The following CADPS2 variants were observed in gnomAD, a reference collection of about 807,000 sequenced individuals.
CADPS2 encodes the protein calcium dependent secretion activator 2.
A neutral mutation model predicts 172.5 loss-of-function variants in CADPS2; 93 were observed. The observed-to-expected ratio is 0.54, with a 90% confidence interval of 0.46 to 0.64. The LOEUF (loss-of-function observed/expected upper bound fraction) is 0.64. Among genes scored for constraint, CADPS2 ranks in the 30% least tolerant of loss-of-function variants. The pLI, the probability that CADPS2 is intolerant of heterozygous loss-of-function variation, is 0.00. For synonymous variants in CADPS2, 546 were observed against 555.2 expected, an observed-to-expected ratio of 0.98 and a Z score of 0.23; for missense variants, 1,420 against 1,565.9, an observed-to-expected ratio of 0.91 and a Z score of 1.57.
At chr7:122,351,283 C>G (rs987175716) in intron 27 of CADPS2, among the ~76,000 whole-genome samples, 20 of 140,078 alleles carry the variant, frequency 1.4e-4, no homozygotes, top group African/African-American at 4.2e-4. Context: ...TGAGGCAGGA[C>G]AACAGCATGA....
chr7:122,838,209 G>GC, intron 1 of CADPS2, among the ~76,000 whole-genome samples: 1 of 152,216 alleles, frequency 6.6e-6, no homozygotes, highest in South Asian at 2.1e-4. Context: ...TGCAGAAAAG[G>GC]CCTTTGACAA....
intron 1 of CADPS2, among the ~76,000 whole-genome samples, chr7:122,872,645 TTTTTAG>T (rs1820074608): frequency 6.6e-6 from 1 of 152,118 alleles, no homozygotes; most frequent in African/African-American, 2.4e-5. Context: ...CTAAGCAGTA[TTTTTAG>T]TTTTAGTTTT....
rs888434672 is a variant in CADPS2 at position 122,676,743 on chromosome 7, C to A, written c.454-13174G>T. On this transcript the variant is annotated intron_variant, in intron 2 of 29. Transcript: ENST00000449022. ...ACATGGGGCCAACTCAGAGGCAGAT[C>A]CAGATTATCATGGAGAAACTTCTCC... 1.3e-5 allele frequency: 19 copies of A among 1,412,378 alleles called. No homozygotes were observed. The African/African-American group carries it at 2.4e-4, about 18-fold the overall frequency. 87.5% of individuals were successfully genotyped at this position (1,412,378 alleles called of 1,614,324 possible). A position where few individuals can be genotyped will look rare whatever the true frequency, so the allele number is the denominator to read the frequency against.
At chr7:122,674,943 TC>T in intron 2 of CADPS2, among the ~76,000 whole-genome samples, 1 of 152,362 alleles carries the variant, frequency 6.6e-6, no homozygotes, top group Admixed American at 6.5e-5. Context: ...TCAGGTGTTA[TC>T]AATTCATGAA....
At chr7:122,736,881 G>A (rs955040452) in intron 2 of CADPS2, 74 bp downstream of exon 2, 3 of 764,956 alleles carry the variant, frequency 3.9e-6, no homozygotes, top group Non-Finnish European at 4.4e-6. Context: ...TCTTTAAAAT[G>A]AGAAACCCAT....
At chr7:122,726,176 C>G (rs986707025) in intron 2 of CADPS2, among the ~76,000 whole-genome samples, 32 of 151,776 alleles carry the variant, frequency 2.1e-4, no homozygotes, top group African/African-American at 7.5e-4. Context: ...CTGTCAATGA[C>G]AAAAATGAAT....
intron 1 of CADPS2, among the ~76,000 whole-genome samples, chr7:122,790,046 T>G (rs1318170058): frequency 6.0e-5 from 9 of 149,494 alleles, no homozygotes; most frequent in Non-Finnish European, 1.0e-4. Context: ...TTTTTTTTTT[T>G]GAAAAGAGAA....
At chr7:122,674,071 G>C (rs2082151459) in intron 2 of CADPS2, among the ~76,000 whole-genome samples, 1 of 152,150 alleles carries the variant, frequency 6.6e-6, no homozygotes, top group Non-Finnish European at 1.5e-5. Context: ...GCTGGCCCAG[G>C]TGCTAAACCC....
Position 122,662,702 on chromosome 7 carries a change from A to G in CADPS2, c.786+535T>C, listed in dbSNP as rs146776498. Among the ~76,000 whole-genome samples, 265 of 152,246 alleles carry G rather than the reference A, an allele frequency of 1.7e-3. 3 individuals carry two copies. The highest frequency in any genetic ancestry group is 6.3e-3 in the African/African-American group (262 of 41,550). On this transcript the variant is annotated intron_variant, in intron 3 of 29. Transcript: ENST00000449022. ...TCCCATTTTTGTATGTATAACTAGA[A>G]TAACAACTGAAGAGAAAATATAATA...
intron 29 of CADPS2, among the ~76,000 whole-genome samples, chr7:122,323,720 A>G (rs2150704984): frequency 6.6e-6 from 1 of 151,928 alleles, no homozygotes; most frequent in Non-Finnish European, 1.5e-5. Context: ...AGGAGGCTGA[A>G]TATGTAACTT....
intron 1 of CADPS2, among the ~76,000 whole-genome samples, chr7:122,748,508 G>C (rs1391138499): frequency 1.3e-5 from 2 of 152,172 alleles, no homozygotes; most frequent in Admixed American, 6.6e-5. Flanking sequence ...AAAGCTTAAA[G>C]ATGCTGACCA....
At chr7:122,333,375 T>A (rs1420803926) in intron 28 of CADPS2, among the ~76,000 whole-genome samples, 3 of 152,188 alleles carry the variant, frequency 2.0e-5, no homozygotes, top group African/African-American at 7.2e-5. Context: ...TGGGACACAT[T>A]CCAAAATCTT....
intron 1 of CADPS2, among the ~76,000 whole-genome samples, chr7:122,820,544 TTTTTGTTTTTTG>T (rs1802870518): frequency 5.4e-5 from 7 of 130,258 alleles, no homozygotes; most frequent in African/African-American, 2.3e-4. Flanking sequence ...ACCTTACTGT[TTTTTGTTTTTTG>T]TTTTTTTTTT....
chr7:122,783,507 G>A (rs930807824), intron 1 of CADPS2, among the ~76,000 whole-genome samples: 1 of 152,142 alleles, frequency 6.6e-6, no homozygotes, highest in Non-Finnish European at 1.5e-5. Flanking sequence ...TCTGTCCCTT[G>A]CAGACCCTTG....
intron 2 of CADPS2, among the ~76,000 whole-genome samples, chr7:122,716,779 T>C (rs1312351766): frequency 6.6e-6 from 1 of 151,814 alleles, no homozygotes; most frequent in Non-Finnish European, 1.5e-5. Context: ...AAAGGTAGAG[T>C]GCGACCAAGG....
chr7:122,545,615 A>G (rs143358625), intron 8 of CADPS2, among the ~76,000 whole-genome samples: 33 of 152,266 alleles, frequency 2.2e-4, no homozygotes, highest in South Asian at 1.9e-3. Context: ...GGAACATCGT[A>G]GAAAAGTCCT....
intron 1 of CADPS2, among the ~76,000 whole-genome samples, chr7:122,791,608 A>C (rs1795308739): frequency 6.6e-6 from 1 of 151,888 alleles, no homozygotes; most frequent in Admixed American, 6.6e-5. Context: ...CTTTATCAAC[A>C]TATTTATTTC....
chr7:122,564,784 C>T (rs1255427332), intron 7 of CADPS2, among the ~76,000 whole-genome samples: 3 of 151,700 alleles, frequency 2.0e-5, no homozygotes, highest in African/African-American at 7.3e-5. Flanking sequence ...CAACAGATAA[C>T]TGCATAAAAT....
At chr7:122,701,908 A>T (rs2086167249) in intron 2 of CADPS2, 1 of 1,613,488 alleles carries the variant, frequency 6.2e-7, no homozygotes, top group Non-Finnish European at 8.5e-7. Context: ...TGCATGCCTT[A>T]TGGAAAAAAT....
Sources: gnomAD v4.1 joint callset for allele counts (sites outside exome capture counted in the v4.1 genomes callset) on GRCh38, gnomAD v4.1.1 for gene constraint, MANE v1.5 for transcripts, NCBI Gene and HGNC (gene_info 2026-07-23, HGNC 2026-07-21) for gene names.